CSMD3: variants seen among roughly 807,000 people sequenced by gnomAD.
The protein encoded by CSMD3 is CUB and sushi domain-containing protein 3.
CSMD3 carries 177 observed loss-of-function variants against 435.2 expected under a neutral mutation model. That is an observed-to-expected ratio of 0.41 (90% CI 0.36 to 0.46). CSMD3 has a LOEUF of 0.46. Ranked by LOEUF, CSMD3 falls within the 20% of genes least tolerant of loss-of-function variation. The pLI, the probability that CSMD3 is intolerant of heterozygous loss-of-function variation, is 0.34. For synonymous variants in CSMD3, 1,656 were observed against 1,520.5 expected, an observed-to-expected ratio of 1.09 and a Z score of -2.07; for missense variants, 4,265 against 4,504.6, an observed-to-expected ratio of 0.95 and a Z score of 1.52.
chr8:112,836,335 C>T (rs1260184004), intron 11 of CSMD3, among the ~76,000 whole-genome samples: 1 of 151,710 alleles, frequency 6.6e-6, no homozygotes, highest in Admixed American at 6.6e-5. Context: ...CCGTATTTAC[C>T]CTTGACCTTT....
chr8:112,283,416 A>C (rs1818859055), intron 58 of CSMD3, among the ~76,000 whole-genome samples: 1 of 151,838 alleles, frequency 6.6e-6, no homozygotes, highest in African/African-American at 2.4e-5. Flanking sequence ...AAGAAGTATA[A>C]GGAAGAAAGT....
At chr8:112,592,016 T>C (rs901690041) in intron 22 of CSMD3, among the ~76,000 whole-genome samples, 2 of 152,004 alleles carry the variant, frequency 1.3e-5, no homozygotes, top group South Asian at 2.1e-4. Context: ...CAGCTGTTAG[T>C]TTTTTAAAAT....
At chr8:113,391,489 C>T (rs182718061) in intron 1 of CSMD3, among the ~76,000 whole-genome samples, 1 of 152,114 alleles carries the variant, frequency 6.6e-6, no homozygotes, top group Non-Finnish European at 1.5e-5. Flanking sequence ...ACAGCAATGT[C>T]ATAACTGTGA....
chr8:113,337,028 G>T (rs973218808), intron 1 of CSMD3, among the ~76,000 whole-genome samples: 4 of 152,060 alleles, frequency 2.6e-5, no homozygotes, highest in African/African-American at 9.7e-5. Context: ...CAACTCAACG[G>T]TTTTTTGTCT....
intron 3 of CSMD3, among the ~76,000 whole-genome samples, chr8:113,191,497 T>C (rs1312372017): frequency 6.6e-6 from 1 of 151,670 alleles, no homozygotes; most frequent in Non-Finnish European, 1.5e-5. Context: ...ATGTGATGTT[T>C]GGTTTTCTGT....
intron 5 of CSMD3, among the ~76,000 whole-genome samples, chr8:113,087,186 G>A (rs72685804): frequency 0.095 from 14,511 of 152,088 alleles, 894 homozygotes; most frequent in Middle Eastern, 0.17. Context: ...AACCACATAC[G>A]TGGAAAGTGG....
intron 12 of CSMD3, among the ~76,000 whole-genome samples, chr8:112,802,853 T>C (rs2078991230): frequency 6.6e-6 from 1 of 151,854 alleles, no homozygotes; most frequent in South Asian, 2.1e-4. Flanking sequence ...TTAATTTAAA[T>C]TTAAAATTTT....
At chr8:112,637,936 A>C (rs1192834373) in intron 21 of CSMD3, among the ~76,000 whole-genome samples, 1 of 151,910 alleles carries the variant, frequency 6.6e-6, no homozygotes, top group Non-Finnish European at 1.5e-5. Flanking sequence ...AATGTTAGCA[A>C]GTTGGCATAA....
At chr8:112,339,235 A>C (rs1000689294) in intron 42 of CSMD3, among the ~76,000 whole-genome samples, 1 of 151,724 alleles carries the variant, frequency 6.6e-6, no homozygotes, top group African/African-American at 2.4e-5. Flanking sequence ...TTAGCCTCTG[A>C]TTGGTTGCAA....
intron 24 of CSMD3, among the ~76,000 whole-genome samples, chr8:112,558,644 C>T (rs566212300): frequency 6.6e-6 from 1 of 151,894 alleles, no homozygotes; most frequent in South Asian, 2.1e-4. Context: ...ATCTTTCTAT[C>T]CCTACACCAG....
chr8:113,280,155 T>A, intron 2 of CSMD3, among the ~76,000 whole-genome samples: 1 of 151,906 alleles, frequency 6.6e-6, no homozygotes, highest in Non-Finnish European at 1.5e-5. Flanking sequence ...TTCCTGGTTT[T>A]GGTATTAGGA....
chr8:113,248,355 T>C (rs1235007635), intron 3 of CSMD3, among the ~76,000 whole-genome samples: 1 of 150,426 alleles, frequency 6.6e-6, no homozygotes, highest in Non-Finnish European at 1.5e-5. Flanking sequence ...CTATTGTATA[T>C]AACACATACA....
At chr8:112,468,855 T>C (rs1261071002) in intron 32 of CSMD3, among the ~76,000 whole-genome samples, 1 of 152,088 alleles carries the variant, frequency 6.6e-6, no homozygotes. Context: ...GATCCAGAAC[T>C]GTTATTTTTC....
chr8:112,876,462 G>A (rs2446467), intron 10 of CSMD3, among the ~76,000 whole-genome samples: 20,698 of 152,072 alleles, frequency 0.14, 1,690 homozygotes, highest in Middle Eastern at 0.3. Context: ...ATCCAGCAGC[G>A]TTATCAAAAA....
chr8:112,952,871 AT>A (rs925586477), intron 8 of CSMD3, among the ~76,000 whole-genome samples: 1 of 151,298 alleles, frequency 6.6e-6, no homozygotes, highest in Non-Finnish European at 1.5e-5. Context: ...TTTTATTAGA[AT>A]TTTTTTTCCT....
At chr8:112,547,401 A>G (rs1827275353) in intron 27 of CSMD3, among the ~76,000 whole-genome samples, 1 of 152,090 alleles carries the variant, frequency 6.6e-6, no homozygotes, top group South Asian at 2.1e-4. Context: ...AAAAATAAAA[A>G]TTAGTGAAGT....
At chr8:112,470,693 GATACCAAA>G (rs199962071) in intron 32 of CSMD3, among the ~76,000 whole-genome samples, 44,512 of 151,560 alleles carry the variant, frequency 0.29, 6,757 homozygotes, top group East Asian at 0.5. Context: ...TAAACAAAAT[GATACCAAA>G]TTTACAAATA....
intron 58 of CSMD3, 144 bp downstream of exon 58, chr8:112,286,920 G>T: frequency 1.4e-6 from 1 of 725,440 alleles, no homozygotes; most frequent in Non-Finnish European, 2.4e-6. Context: ...GATGGTTACA[G>T]TATAATGGGA....
rs560216090 is a variant in CSMD3, at chr8:112,414,196, T to A, written c.5396-5164A>T. 1.4e-3 allele frequency among the ~76,000 whole-genome samples: 215 copies of A among 152,326 alleles called. 1 individual carries two copies. Among genetic ancestry groups the A allele is most frequent in the African/African-American group, 4.7e-3 (194 of 41,582 alleles). On this transcript the variant is annotated intron_variant, in intron 32 of 70. Coordinates refer to ENST00000297405, the MANE Select transcript of CSMD3 (RefSeq NM_198123.2). ...ATATGCCTATCTTGATACTTCTGAA[T>A]AGTCTATTTGATACAGTTTGGCTTC...
Sources: allele counts gnomAD v4.1 joint callset (sites outside exome capture counted in the v4.1 genomes callset), GRCh38; gene constraint gnomAD v4.1.1; transcripts MANE v1.5; gene names NCBI Gene and HGNC (gene_info 2026-07-23, HGNC 2026-07-21).